Variants in LOXL2 observed in about 807,000 individuals in gnomAD.
The protein encoded by LOXL2 is lysyl oxidase homolog 2.
A neutral mutation model predicts 93.0 loss-of-function variants in LOXL2; 70 were observed. The observed-to-expected ratio is 0.75, with a 90% CI of 0.62 to 0.92. LOXL2 has a LOEUF of 0.92. Ranked by LOEUF, LOXL2 falls within the 40% of genes least tolerant of loss-of-function variation. The probability of loss-of-function intolerance (pLI) is 0.00; values close to 1 mark genes in which losing one functional copy is unlikely to be tolerated. For missense variants in LOXL2, 973 were observed against 1,054.9 expected (o/e 0.92, Z 1.08); for synonymous variants, 438 against 413.2 (o/e 1.06, Z -0.73).
intron 10 of LOXL2, 50 bp from the exon 11 acceptor site, chr8:23,303,447 G>A (rs1426607692): frequency 9.0e-7 from 1 of 1,105,320 alleles, no homozygotes; most frequent in South Asian, 1.2e-5. Flanking sequence ...AGCAACTGCT[G>A]CTTGCAAGCA....
intron 9 of LOXL2, among the ~76,000 whole-genome samples, chr8:23,310,696 A>T (rs1157044050): frequency 4.6e-5 from 7 of 152,210 alleles, no homozygotes; most frequent in Non-Finnish European, 8.8e-5. Context: ...TAAGTCTCTG[A>T]TTCCTACTGC....
In LOXL2 at chr8:23,298,927, G is replaced by C. The variant is rs1283610841; in HGVS notation, c.2154C>G (p.Phe718Leu). ...TGGAGTAATCGGATTCTGCAACCTCGAAGTTGGGGTTAATAACAACCTAGG... is the reference window on the plus strand; with the variant it reads ...TGGAGTAATCGGATTCTGCAACCTCCAAGTTGGGGTTAATAACAACCTAGG... ...YLFQVVINPNFEVAESDYSNN... is the reference protein window; with the variant it reads ...YLFQVVINPNLEVAESDYSNN... Residue 718 changes from phenylalanine (F) to leucine (L), a missense_variant, in exon 13 of 14, where the codon TTC (phenylalanine) becomes TTG (leucine). Transcript: ENST00000389131. The C allele has an allele frequency of 5.0e-6, 8 of 1,612,132 alleles. No homozygotes were observed. The highest frequency in any genetic ancestry group is 1.7e-5 in the Admixed American group (1 of 59,994).
intron 1 of LOXL2, among the ~76,000 whole-genome samples, chr8:23,394,491 A>G (rs1213488730): frequency 6.6e-6 from 1 of 152,176 alleles, no homozygotes; most frequent in Non-Finnish European, 1.5e-5. Flanking sequence ...ATGGCTTACA[A>G]GCACATAAAA....
At chr8:23,393,675 A>G (rs1416325949) in intron 1 of LOXL2, among the ~76,000 whole-genome samples, 1 of 152,252 alleles carries the variant, frequency 6.6e-6, no homozygotes, top group Non-Finnish European at 1.5e-5. Flanking sequence ...AAGAAACAAA[A>G]GGAAAATATA....
intron 1 of LOXL2, among the ~76,000 whole-genome samples, chr8:23,397,154 T>C (rs1351972985): frequency 6.6e-6 from 1 of 152,200 alleles, no homozygotes; most frequent in African/African-American, 2.4e-5. Flanking sequence ...AGTTCAGTCA[T>C]AGTCACAGAG....
At chr8:23,374,961 T>A (rs1804563602) in intron 1 of LOXL2, among the ~76,000 whole-genome samples, 1 of 152,242 alleles carries the variant, frequency 6.6e-6, no homozygotes, top group Non-Finnish European at 1.5e-5. Context: ...TAGATCCCAT[T>A]TGTTAATTTT....
chr8:23,333,609 C>G lies in LOXL2; in HGVS notation c.758G>C (p.Arg253Pro), dbSNP rs745851452. 2 of 1,612,980 alleles carry G rather than the reference C, an allele frequency of 1.2e-6. No individual in the cohort carries two copies. Among genetic ancestry groups the G allele is most frequent in the Non-Finnish European group, 1.7e-6 (2 of 1,179,618 alleles). Reference sequence around the variant, plus strand: ...GAATGGCCAGTAGCGCTGCTTCCTCCGTGAGGCAAACATTCTGCAGACGAT... The same window carrying G: ...GAATGGCCAGTAGCGCTGCTTCCTCGGTGAGGCAAACATTCTGCAGACGAT... ...NTKVYKMFAS[R>P]RKQRYWPFSM... The change falls in exon 5 of 14, where the codon CGG becomes CCG. Residue 253 changes from arginine (R) to proline (P), a missense_variant. By Grantham distance (103) the Arg-to-Pro change is moderately radical (BLOSUM62 -2). Transcript: ENST00000389131.
chr8:23,336,387 C>G (rs922924448), intron 4 of LOXL2: 7 of 152,330 alleles, frequency 4.6e-5, no homozygotes, highest in African/African-American at 1.7e-4. Flanking sequence ...CAGTGTTTCA[C>G]TGGGGACAGG....
In LOXL2 at chr8:23,317,067, C is replaced by T. The variant is rs1292433786; in HGVS notation, c.1518G>A (p.Met506Ile). The change falls in exon 9 of 14, where the codon ATG becomes ATA. Residue 506 changes from methionine (M) to isoleucine (I), a missense_variant. Met to Ile is a conservative substitution (Grantham distance 10, BLOSUM62 1). Coordinates refer to ENST00000389131, the MANE Select transcript of LOXL2 (RefSeq NM_002318.3). ...HGDVNSNKVV[M>I]SGVKCSGTEL... ...CCGTTCCCGAGCACTTCACTCCACT[C>T]ATGACCACTTTGTTGCTGTTGACAT... is the stretch of plus-strand genomic sequence containing the variant. The T allele has an allele frequency of 5.6e-6, 9 of 1,614,120 alleles. No individual in the cohort carries two copies. The highest frequency in any genetic ancestry group is 7.6e-6 in the Non-Finnish European group (9 of 1,180,038).
In LOXL2 at chr8:23,320,199, C is replaced by T. The variant is rs77049507; in HGVS notation, c.1303-147G>A. 2.5e-3 allele frequency: 2,042 copies of T among 809,982 alleles called. 21 individuals carry two copies. The highest frequency in any genetic ancestry group is 0.016 in the South Asian group (862 of 55,436). 50.2% of individuals were successfully genotyped at this position (809,982 alleles called of 1,614,324 possible). A position where few individuals can be genotyped will look rare whatever the true frequency, so the allele number is the denominator to read the frequency against. On this transcript the variant is annotated intron_variant, in intron 7 of 13. Coordinates refer to ENST00000389131, the MANE Select transcript of LOXL2 (RefSeq NM_002318.3). Reference sequence around the variant, plus strand: ...ATTCAGCAGCACCCTTGGGAGCCCCCGGTGGCAGCGCTGTGCCTAGCATGG... The same window carrying T: ...ATTCAGCAGCACCCTTGGGAGCCCCTGGTGGCAGCGCTGTGCCTAGCATGG...
chr8:23,357,631 G>A (rs1306255342), intron 3 of LOXL2, among the ~76,000 whole-genome samples: 2 of 146,284 alleles, frequency 1.4e-5, no homozygotes, highest in Non-Finnish European at 3.0e-5. Context: ...GCTCACTGAT[G>A]TTTTGGCCTG....
At position 23,297,698 on chromosome 8, in the gene LOXL2, C is replaced by T. The variant is rs1585338254; in HGVS notation, c.*345G>A. 4 of 228,642 alleles carry T rather than the reference C, an allele frequency of 1.7e-5. No homozygotes were observed. Among genetic ancestry groups the T allele is most frequent in the African/African-American group, 9.0e-5 (4 of 44,306 alleles). The allele number at this position is 228,642 out of a possible 1,614,324, so 14.2% of individuals were successfully genotyped here. A position where few individuals can be genotyped will look rare whatever the true frequency, so the allele number is the denominator to read the frequency against. ...GTCACTGGAGAAGAGCGCGGCTCCA[C>T]TGTGTCTGTGGTGAGCTCGGTGGCT... is the stretch of plus-strand genomic sequence containing the variant. On this transcript the variant is annotated 3_prime_UTR_variant, in exon 14 of 14. Transcript: ENST00000389131.
At chr8:23,345,500 G>A (rs1183446778) in intron 3 of LOXL2, among the ~76,000 whole-genome samples, 2 of 152,340 alleles carry the variant, frequency 1.3e-5, no homozygotes, top group East Asian at 3.9e-4. Flanking sequence ...AGGCCAGCGG[G>A]AGGAGGCAGG....
At chr8:23,313,923 C>T (rs2097125494) in intron 9 of LOXL2, among the ~76,000 whole-genome samples, 1 of 123,958 alleles carries the variant, frequency 8.1e-6, no homozygotes, top group Non-Finnish European at 1.7e-5. Context: ...TATCCAGAAT[C>T]TACAATGAAC....
intron 4 of LOXL2, among the ~76,000 whole-genome samples, chr8:23,334,008 A>T (rs1341891946): frequency 6.6e-6 from 1 of 152,180 alleles, no homozygotes; most frequent in Non-Finnish European, 1.5e-5. Flanking sequence ...AACCATGTTT[A>T]CCCTAACTCT....
chr8:23,375,562 T>G (rs1279497139), intron 1 of LOXL2, among the ~76,000 whole-genome samples: 1 of 152,244 alleles, frequency 6.6e-6, no homozygotes, highest in Non-Finnish European at 1.5e-5. Flanking sequence ...ACGTTATTGA[T>G]TCTTCCTATC....
intron 8 of LOXL2, among the ~76,000 whole-genome samples, 196 bp from the exon 9 acceptor site, chr8:23,317,310 G>T (rs79320561): frequency 2.0e-5 from 3 of 151,832 alleles, no homozygotes; most frequent in Non-Finnish European, 4.4e-5. Context: ...GGTCTCCTGA[G>T]TGTAGCACTT....
intron 1 of LOXL2, among the ~76,000 whole-genome samples, chr8:23,401,510 C>A (rs1457994324): frequency 2.0e-5 from 3 of 152,140 alleles, no homozygotes; most frequent in Non-Finnish European, 4.4e-5. Context: ...CTTTAAACTA[C>A]TTCAATGACA....
At chr8:23,300,197 G>C (rs532713999) in intron 12 of LOXL2, among the ~76,000 whole-genome samples, 1 of 152,222 alleles carries the variant, frequency 6.6e-6, no homozygotes, top group Non-Finnish European at 1.5e-5. Flanking sequence ...GCTCGTGTTG[G>C]GGACACGAGG....
Sources: gnomAD v4.1 joint callset for allele counts (sites outside exome capture counted in the v4.1 genomes callset) on GRCh38, gnomAD v4.1.1 for gene constraint, MANE v1.5 for transcripts, NCBI Gene and HGNC (gene_info 2026-07-23, HGNC 2026-07-21) for gene names.